The following FGD5 variants were observed in gnomAD, a reference collection of about 807,000 sequenced individuals.
The protein encoded by FGD5 is FYVE, RhoGEF and PH domain containing 5, also known as FYVE, RhoGEF and PH domain-containing protein 5.
In FGD5, 28 loss-of-function variants were observed where a neutral mutation model predicts 133.4. That is an observed-to-expected ratio of 0.21 (90% confidence interval 0.16 to 0.29). The LOEUF is 0.29. Ranked by LOEUF, FGD5 falls within the 10% of genes least tolerant of loss-of-function variation. The probability of loss-of-function intolerance (pLI) is 1.00; values close to 1 mark genes in which losing one functional copy is unlikely to be tolerated. For missense variants in FGD5, 1,858 were observed against 1,895.2 expected (o/e 0.98, Z 0.36); for synonymous variants, 810 against 776.5 (o/e 1.04, Z -0.72).
intron 11 of FGD5, among the ~76,000 whole-genome samples, chr3:14,914,132 T>C (rs930369362): frequency 1.3e-5 from 2 of 152,292 alleles, no homozygotes; most frequent in East Asian, 1.9e-4. Context: ...GAGGGATACA[T>C]GGGAGGAGGG....
At chr3:14,930,923 A>G (rs2038890373) in intron 18 of FGD5, 1 of 152,096 alleles carries the variant, frequency 6.6e-6, no homozygotes, top group Admixed American at 6.6e-5. Flanking sequence ...ATAAAAACTG[A>G]TTATCTTGTG....
At position 14,907,730 on chromosome 3, in the gene FGD5, G is replaced by T; in HGVS notation, c.3336+19G>T. ...AGGAAGGGTGAGTGCCGCCACCATG[G>T]GTAGGGGCAGAGGGTGGCTGGGCGA... On this transcript the variant is annotated intron_variant, in intron 10 of 19. Transcript: ENST00000285046. 6.2e-7 allele frequency: 1 copy of T among 1,612,172 alleles called. No homozygotes were observed. Among genetic ancestry groups the T allele is most frequent in the Non-Finnish European group, 8.5e-7 (1 of 1,178,604 alleles).
chr3:14,842,915 C>T (rs776709847), intron 1 of FGD5, among the ~76,000 whole-genome samples: 8 of 152,132 alleles, frequency 5.3e-5, no homozygotes, highest in South Asian at 2.1e-4. Context: ...TCTGTCTGTG[C>T]GGTCACCTTG....
At chr3:14,907,567 AT>A in intron 9 of FGD5, 72 bp from the exon 10 acceptor site, 3 of 1,383,356 alleles carry the variant, frequency 2.2e-6, no homozygotes, top group Non-Finnish European at 2.0e-6. Flanking sequence ...AAGCAACGCC[AT>A]GCCTTACAGA....
intron 1 of FGD5, among the ~76,000 whole-genome samples, chr3:14,837,525 G>T (rs2036839908): frequency 6.6e-6 from 1 of 152,132 alleles, no homozygotes; most frequent in South Asian, 2.1e-4. Flanking sequence ...TAGGTTTTGC[G>T]GCTTTTCAGA....
chr3:14,843,883 T>G (rs2036974294), intron 1 of FGD5, among the ~76,000 whole-genome samples: 1 of 151,578 alleles, frequency 6.6e-6, no homozygotes. Context: ...TTAGTAGAGA[T>G]GGGTTTTCGC....
intron 2 of FGD5, among the ~76,000 whole-genome samples, chr3:14,868,599 G>A (rs761762939): frequency 1.3e-5 from 2 of 152,166 alleles, no homozygotes; most frequent in Non-Finnish European, 2.9e-5. Context: ...GCTGCACACT[G>A]GCTCCACTGC....
chr3:14,922,662 G>A lies in FGD5; in HGVS notation c.3807+114G>A, dbSNP rs2038708948. On this transcript the variant is annotated intron_variant, in intron 15 of 19. Transcript: ENST00000285046. The surrounding 1 kb of genome is among the most constrained non-coding windows in gnomAD (Gnocchi z 4.1). ...CAGCAGCTACTGTAAGCCCCAGAGT[G>A]AGGCATGTTCACACCAACCCGAGAG... 5.0e-6 allele frequency: 7 copies of A among 1,411,416 alleles called. No individual in the cohort carries two copies. The East Asian group carries it at 1.7e-4, about 35-fold the overall frequency. 87.4% of individuals were successfully genotyped at this position (1,411,416 alleles called of 1,614,324 possible). A position where few individuals can be genotyped will look rare whatever the true frequency, so the allele number is the denominator to read the frequency against.
At chr3:14,855,760 T>C (rs575712821) in intron 1 of FGD5, among the ~76,000 whole-genome samples, 2 of 152,320 alleles carry the variant, frequency 1.3e-5, no homozygotes, top group South Asian at 4.1e-4. Flanking sequence ...GAGTTTCTTA[T>C]CTATTCTGGA....
intron 7 of FGD5, among the ~76,000 whole-genome samples, chr3:14,899,738 T>C (rs138819859): frequency 5.0e-4 from 76 of 152,284 alleles, no homozygotes; most frequent in African/African-American, 1.8e-3. Context: ...CAAAAGATAA[T>C]GTCTGTTAAG....
chr3:14,844,921 A>G (rs1226545376), intron 1 of FGD5, among the ~76,000 whole-genome samples: 1 of 152,160 alleles, frequency 6.6e-6, no homozygotes, highest in Non-Finnish European at 1.5e-5. Flanking sequence ...GGTCAGGTGC[A>G]GTAGCCCATG....
chr3:14,928,601 C>T (rs2125163553), intron 18 of FGD5, among the ~76,000 whole-genome samples: 1 of 152,142 alleles, frequency 6.6e-6, no homozygotes, highest in East Asian at 1.9e-4. Context: ...AAAAATTAGC[C>T]AGGGATGGTG....
intron 1 of FGD5, among the ~76,000 whole-genome samples, chr3:14,838,322 G>A (rs1190266531): frequency 6.6e-6 from 1 of 152,142 alleles, no homozygotes; most frequent in East Asian, 1.9e-4. Flanking sequence ...ATTAGATTGG[G>A]CCCACCCAGA....
chr3:14,871,303 T>C (rs1000254688), intron 2 of FGD5, among the ~76,000 whole-genome samples: 2 of 152,214 alleles, frequency 1.3e-5, no homozygotes, highest in East Asian at 1.9e-4. Flanking sequence ...CATTAAGATA[T>C]AGTCAATGAA....
intron 19 of FGD5, 104 bp downstream of exon 19, chr3:14,932,835 A>AAAGGGACC: frequency 7.4e-7 from 1 of 1,352,882 alleles, no homozygotes; most frequent in Non-Finnish European, 1.0e-6. Context: ...ATCCTATCCC[A>AAAGGGACC]TTAGGTCCCT....
At chr3:14,824,574 A>C (rs74453498) in intron 1 of FGD5, among the ~76,000 whole-genome samples, 1 of 152,206 alleles carries the variant, frequency 6.6e-6, no homozygotes, top group Non-Finnish European at 1.5e-5. Flanking sequence ...AACACTTGTT[A>C]TGGGACCTTG....
At chr3:14,836,374 G>A (rs1157029144) in intron 1 of FGD5, among the ~76,000 whole-genome samples, 1 of 152,210 alleles carries the variant, frequency 6.6e-6, no homozygotes, top group Non-Finnish European at 1.5e-5. Context: ...CAGAGCTGCA[G>A]AGTGAGTCAA....
At position 14,863,468 on chromosome 3, in the gene FGD5, A is replaced by G. The variant is rs779754939; in HGVS notation, c.2526-660A>G. Among the ~76,000 whole-genome samples the G allele has an allele frequency of 6.8e-4, 104 of 152,256 alleles. 1 individual carries two copies. The highest frequency in any genetic ancestry group is 2.4e-4 in the Non-Finnish European group (16 of 68,050). On this transcript the variant is annotated intron_variant, in intron 1 of 19. Coordinates refer to ENST00000285046, the MANE Select transcript of FGD5 (RefSeq NM_152536.4). Reference sequence around the variant, plus strand: ...TAGCCCATGCCTGCTTAAAGCAGACAGTCAGTAAATATGTGCTGACTGCTA... The same window carrying G: ...TAGCCCATGCCTGCTTAAAGCAGACGGTCAGTAAATATGTGCTGACTGCTA...
At chr3:14,880,466 A>G (rs2037803060) in intron 2 of FGD5, 106 bp from the exon 3 acceptor site, 1 of 952,486 alleles carries the variant, frequency 1.0e-6, no homozygotes. Context: ...AATGAGTGCC[A>G]GGAAATGGTC....
Sources: allele counts gnomAD v4.1 joint callset (sites outside exome capture counted in the v4.1 genomes callset), GRCh38; gene constraint gnomAD v4.1.1; non-coding constraint Gnocchi (gnomAD v3.1); transcripts MANE v1.5; gene names NCBI Gene and HGNC (gene_info 2026-07-23, HGNC 2026-07-21).